USP54: variants seen among roughly 807,000 people sequenced by gnomAD.
USP54 encodes the protein ubiquitin specific peptidase 54.
Under a neutral mutation model 170.5 loss-of-function variants are expected in USP54, and 87 were observed. The observed-to-expected ratio is 0.51, with a 90% CI of 0.43 to 0.61. The LOEUF (loss-of-function observed/expected upper bound fraction) is 0.61, where lower values mean the gene tolerates loss of function less well. Ranked by LOEUF, USP54 falls within the 20% of genes least tolerant of loss-of-function variation. The probability of loss-of-function intolerance (pLI) is 0.00; values close to 1 mark genes in which losing one functional copy is unlikely to be tolerated. For synonymous variants in USP54, 655 were observed against 742.8 expected (o/e 0.88, Z 1.92); for missense variants, 1,786 against 2,047.8 (o/e 0.87, Z 2.47).
chr10:73,543,566 C>T (rs2067085279), intron 5 of USP54, among the ~76,000 whole-genome samples: 1 of 152,118 alleles, frequency 6.6e-6, no homozygotes, highest in Admixed American at 6.6e-5. Flanking sequence ...CGAGGTTTCA[C>T]CGTGTTAGCC....
Position 73,575,634 on chromosome 10 carries a change from A to C in USP54, c.25T>G (p.Ser9Ala). The C allele has an allele frequency of 6.2e-7, 1 of 1,609,678 alleles. No homozygotes were observed. The highest frequency in any genetic ancestry group is 8.5e-7 in the Non-Finnish European group (1 of 1,178,448). The change falls in exon 3 of 24, where the codon TCA (serine) becomes GCA (alanine). Residue 9 changes from serine (S) to alanine (A), a missense_variant. Transcript: ENST00000687698. Reference protein sequence around the residue: MSWKRNYFSGGRGSVQGMF... With the variant: MSWKRNYFAGGRGSVQGMF... ...CCTTGTACACTACCACGACCCCCTG[A>C]AAAATAATTTCTCTTCCAAGACATT...
Position 73,571,465 on chromosome 10 carries a change from T to C in USP54, c.196A>G (p.Thr66Ala). Residue 66 changes from threonine to alanine, a missense_variant, in exon 4 of 24, where the codon ACT becomes GCT. Physicochemically the swap from Thr to Ala is moderately conservative, Grantham distance 58 (BLOSUM62 0). Transcript: ENST00000687698. ...CAGGAATCTCCCATGCACTTGTGAG[T>C]TGTAAGCTGCCTAAAGCTACGTCGG... ...IFRRSFRQLT[T>A]HKCMGDSCIF... The C allele has an allele frequency of 6.2e-7, 1 of 1,613,928 alleles. No homozygotes were observed. Among genetic ancestry groups the C allele is most frequent in the Non-Finnish European group, 8.5e-7 (1 of 1,179,922 alleles).
At chr10:73,499,446 A>T (rs552359296) in intron 23 of USP54, 16 of 435,704 alleles carry the variant, frequency 3.7e-5, no homozygotes, top group Non-Finnish European at 6.2e-5. Flanking sequence ...CCTCCACTAT[A>T]ATCTCTCATC....
In USP54 at chr10:73,500,674, C is replaced by A. The variant is rs746955834; in HGVS notation, c.4476G>T (p.Gly1492=). 12 of 1,602,464 alleles carry A rather than the reference C, an allele frequency of 7.5e-6. No homozygotes were observed. Among genetic ancestry groups the A allele is most frequent in the Non-Finnish European group, 1.0e-5 (12 of 1,175,226 alleles). ...AGTTACCTGGGAGTCTATTGGGCTCCCCTGCCATGGTGGGCATCAGGACAT... is the reference window on the plus strand; with the variant it reads ...AGTTACCTGGGAGTCTATTGGGCTCACCTGCCATGGTGGGCATCAGGACAT... The part of the protein sequence containing the change: ...SPDVLMPTMA[G]EPNRLPGTSR... Residue 1492 remains glycine (G), a synonymous_variant, in exon 23 of 24, where the codon GGG becomes GGT. Coordinates refer to ENST00000687698, the MANE Select transcript of USP54 (RefSeq NM_001391956.1).
chr10:73,512,158 G>A (rs1195759956), intron 20 of USP54, among the ~76,000 whole-genome samples: 1 of 150,220 alleles, frequency 6.7e-6, no homozygotes, highest in Non-Finnish European at 1.5e-5. Context: ...TCTTTTTTTT[G>A]AGACAGGGTC....
At chr10:73,552,105 G>C (rs988033500) in intron 4 of USP54, among the ~76,000 whole-genome samples, 1 of 152,072 alleles carries the variant, frequency 6.6e-6, no homozygotes, top group African/African-American at 2.4e-5. Flanking sequence ...AGCTAAAATG[G>C]GTTCAAAATC....
intron 1 of USP54, among the ~76,000 whole-genome samples, chr10:73,598,475 T>C (rs1309205380): frequency 6.6e-6 from 1 of 152,148 alleles, no homozygotes; most frequent in Admixed American, 6.5e-5. Flanking sequence ...AAATTGGACT[T>C]CATCAAAATT....
chr10:73,566,770 C>G (rs1490137753), intron 4 of USP54, among the ~76,000 whole-genome samples: 5 of 151,932 alleles, frequency 3.3e-5, no homozygotes, highest in African/African-American at 1.2e-4. Flanking sequence ...AAAACAACAA[C>G]AAGGAAATGA....
intron 20 of USP54, among the ~76,000 whole-genome samples, chr10:73,512,667 T>C (rs2060400885): frequency 6.6e-6 from 1 of 152,144 alleles, no homozygotes; most frequent in Non-Finnish European, 1.5e-5. Flanking sequence ...GTTACAGGCA[T>C]GAGTCATCAT....
chr10:73,594,533 T>TA (rs1439864818), upstream of USP54, among the ~76,000 whole-genome samples: 3 of 151,914 alleles, frequency 2.0e-5, no homozygotes, highest in South Asian at 2.1e-4. Context: ...GCCTCCCGAG[T>TA]AGCTGGGACT....
At chr10:73,578,942 CT>C (rs34362461) in intron 1 of USP54, among the ~76,000 whole-genome samples, 16,076 of 133,824 alleles carry the variant, frequency 0.12, 1,226 homozygotes, top group African/African-American at 0.26. Context: ...GCAAAGATTC[CT>C]TTTTTTTTTT....
chr10:73,621,042 G>A (rs2081048404), intron 1 of USP54, among the ~76,000 whole-genome samples: 1 of 150,236 alleles, frequency 6.7e-6, no homozygotes, highest in Non-Finnish European at 1.5e-5. Flanking sequence ...TGTAATCCCA[G>A]CTACTCAGGA....
At chr10:73,528,027 C>T (rs1215065852) in intron 15 of USP54, among the ~76,000 whole-genome samples, 1 of 152,004 alleles carries the variant, frequency 6.6e-6, no homozygotes, top group Non-Finnish European at 1.5e-5. Flanking sequence ...ACTCCGCCTC[C>T]CGGGTTCAAG....
At chr10:73,508,734 C>T (rs1364464282) in intron 20 of USP54, among the ~76,000 whole-genome samples, 1 of 148,384 alleles carries the variant, frequency 6.7e-6, no homozygotes, top group Admixed American at 6.8e-5. Context: ...GTGGTGTGAT[C>T]TCAGCTCACC....
At chr10:73,539,686 G>A (rs2066154214) in intron 9 of USP54, 93 bp from the exon 10 acceptor site, 3 of 1,332,930 alleles carry the variant, frequency 2.3e-6, no homozygotes, top group Middle Eastern at 1.9e-4. Flanking sequence ...CTTAAGTAAG[G>A]TACTGACTTG....
chr10:73,552,716 G>A (rs533604257), intron 4 of USP54, among the ~76,000 whole-genome samples: 89 of 152,052 alleles, frequency 5.9e-4, no homozygotes, highest in Non-Finnish European at 1.1e-3. Flanking sequence ...GCTTGAACCC[G>A]GGAGGTGGAG....
chr10:73,549,778 A>T (rs182037381), intron 4 of USP54, among the ~76,000 whole-genome samples: 1 of 152,346 alleles, frequency 6.6e-6, no homozygotes, highest in East Asian at 1.9e-4. Flanking sequence ...CAGCAGACAA[A>T]TACAGCAATC....
At chr10:73,589,128 C>G (rs557807773) in intron 1 of USP54, among the ~76,000 whole-genome samples, 12 of 152,328 alleles carry the variant, frequency 7.9e-5, no homozygotes, top group African/African-American at 2.4e-4. Flanking sequence ...TTACACTCAA[C>G]AAATGCTCAT....
At chr10:73,501,181 T>A (rs982030725) in intron 22 of USP54, among the ~76,000 whole-genome samples, 1 of 152,060 alleles carries the variant, frequency 6.6e-6, no homozygotes, top group Non-Finnish European at 1.5e-5. Context: ...TATGAGAAAT[T>A]CAGAAAGCCT....
Sources: gnomAD v4.1 joint callset for allele counts (sites outside exome capture counted in the v4.1 genomes callset) on GRCh38, gnomAD v4.1.1 for gene constraint, MANE v1.5 for transcripts, NCBI Gene and HGNC (gene_info 2026-07-23, HGNC 2026-07-21) for gene names.